Variants in ASAP1 observed in about 807,000 individuals in gnomAD.
ASAP1 encodes ArfGAP with SH3 domain, ankyrin repeat and PH domain 1.
ASAP1 carries 43 observed loss-of-function variants against 145.2 expected under a neutral mutation model. The observed-to-expected ratio is 0.30, with a 90% CI of 0.23 to 0.38. The LOEUF is 0.38. Ranked by LOEUF, ASAP1 falls within the 10% of genes least tolerant of loss-of-function variation. The pLI is 1.00. For missense variants in ASAP1, 1,018 were observed against 1,355.3 expected, an observed-to-expected ratio of 0.75 and a Z score of 3.91; for synonymous variants, 546 against 515.5, an observed-to-expected ratio of 1.06 and a Z score of -0.80.
rs540595717 is a variant in ASAP1 at position 130,353,119 on chromosome 8, A to G, written c.186+4898T>C. On this transcript the variant is annotated intron_variant, in intron 3 of 29. Coordinates refer to ENST00000518721, the MANE Select transcript of ASAP1 (RefSeq NM_018482.4). The stretch of plus-strand genomic sequence containing the variant: ...ATGTTCTATACTATTTCCCTCCCCT[A>G]TGAACTGCCCCTTTCTACCCTGTTA... 5.3e-4 allele frequency among the ~76,000 whole-genome samples: 81 copies of G among 152,256 alleles called. 2 individuals carry two copies. In the South Asian group the frequency reaches 0.017, roughly 31 times the overall value.
At chr8:130,126,596 C>A (rs772198642) in intron 16 of ASAP1, among the ~76,000 whole-genome samples, 1 of 152,156 alleles carries the variant, frequency 6.6e-6, no homozygotes, top group Admixed American at 6.5e-5. Flanking sequence ...TTTTCTACAA[C>A]CTCCAATGGC....
intron 2 of ASAP1, among the ~76,000 whole-genome samples, chr8:130,388,001 C>T (rs186778795): frequency 3.5e-4 from 54 of 152,242 alleles, no homozygotes; most frequent in African/African-American, 1.3e-3. Context: ...AGAAAACATA[C>T]GGGGAGCAAC....
chr8:130,258,223 G>T (rs1819685604), intron 3 of ASAP1, among the ~76,000 whole-genome samples: 2 of 152,154 alleles, frequency 1.3e-5, no homozygotes, highest in African/African-American at 4.8e-5. Context: ...GATGCTTGAG[G>T]AGAAAAGTCA....
At chr8:130,078,177 A>G (rs2097468700) in intron 26 of ASAP1, among the ~76,000 whole-genome samples, 1 of 152,106 alleles carries the variant, frequency 6.6e-6, no homozygotes, top group South Asian at 2.1e-4. Flanking sequence ...TTTCGTACAG[A>G]CGGGGTTTCA....
At chr8:130,409,670 C>T (rs1829181988) in intron 1 of ASAP1, among the ~76,000 whole-genome samples, 1 of 152,196 alleles carries the variant, frequency 6.6e-6, no homozygotes, top group Non-Finnish European at 1.5e-5. Flanking sequence ...GCTGCTGGAC[C>T]TTAGCTTTGG....
intron 24 of ASAP1, among the ~76,000 whole-genome samples, chr8:130,105,253 C>A (rs886100557): frequency 6.6e-6 from 1 of 152,086 alleles, no homozygotes; most frequent in African/African-American, 2.4e-5. Context: ...AGTATAGCAA[C>A]CATTTACATA....
At chr8:130,265,153 C>G (rs906804988) in intron 3 of ASAP1, among the ~76,000 whole-genome samples, 3 of 152,080 alleles carry the variant, frequency 2.0e-5, no homozygotes, top group Non-Finnish European at 4.4e-5. Context: ...CTTCAGTTCC[C>G]CAGAGCACCT....
At chr8:130,120,824 C>T (rs1414738365) in intron 18 of ASAP1, among the ~76,000 whole-genome samples, 2 of 152,170 alleles carry the variant, frequency 1.3e-5, no homozygotes, top group Non-Finnish European at 2.9e-5. Context: ...TATGGGCACT[C>T]AGCCCATAGT....
At chr8:130,146,733 G>C (rs946462628) in intron 13 of ASAP1, among the ~76,000 whole-genome samples, 1 of 152,136 alleles carries the variant, frequency 6.6e-6, no homozygotes, top group African/African-American at 2.4e-5. Flanking sequence ...GATGGGGCAA[G>C]AAAACAACAG....
intron 1 of ASAP1, among the ~76,000 whole-genome samples, chr8:130,432,244 G>A (rs2138787935): frequency 6.6e-6 from 1 of 152,166 alleles, no homozygotes; most frequent in Middle Eastern, 3.4e-3. Context: ...ACTCAAAGAA[G>A]AAAATAATCA....
At chr8:130,293,277 C>G (rs1822055019) in intron 3 of ASAP1, among the ~76,000 whole-genome samples, 1 of 152,188 alleles carries the variant, frequency 6.6e-6, no homozygotes, top group African/African-American at 2.4e-5. Flanking sequence ...CTGCTGGTCC[C>G]CATTCCCCAG....
At chr8:130,356,506 G>A (rs80176141) in intron 3 of ASAP1, among the ~76,000 whole-genome samples, 2,267 of 151,888 alleles carry the variant, frequency 0.015, 28 homozygotes, top group East Asian at 0.052. Flanking sequence ...AATCCCAGAC[G>A]AGTATAACAG....
chr8:130,285,632 GGTTTT>G (rs1214085025), intron 3 of ASAP1, among the ~76,000 whole-genome samples: 6 of 152,150 alleles, frequency 3.9e-5, no homozygotes, highest in African/African-American at 1.4e-4. Flanking sequence ...ACAACAGGTT[GGTTTT>G]GTTTTTCTGA....
intron 1 of ASAP1, among the ~76,000 whole-genome samples, chr8:130,410,262 C>G (rs916166951): frequency 6.6e-6 from 1 of 152,118 alleles, no homozygotes; most frequent in South Asian, 2.1e-4. Context: ...AAAAAGGGCA[C>G]GTACTGGTAC....
chr8:130,147,681 A>C (rs4733771), intron 13 of ASAP1, among the ~76,000 whole-genome samples: 15,654 of 152,236 alleles, frequency 0.1, 940 homozygotes, highest in South Asian at 0.27. Flanking sequence ...GGCACATACA[A>C]TAAGATCCTG....
intron 3 of ASAP1, among the ~76,000 whole-genome samples, chr8:130,293,274 TC>T (rs1373593852): frequency 6.6e-6 from 1 of 152,188 alleles, no homozygotes; most frequent in Non-Finnish European, 1.5e-5. Context: ...ATGCTGCTGG[TC>T]CCCATTCCCC....
chr8:130,289,532 A>T (rs1821826397), intron 3 of ASAP1, among the ~76,000 whole-genome samples: 2 of 152,244 alleles, frequency 1.3e-5, no homozygotes, highest in African/African-American at 4.8e-5. Context: ...AGACTGGTCC[A>T]AACTTTAAGA....
intron 3 of ASAP1, among the ~76,000 whole-genome samples, chr8:130,288,828 A>T (rs1316564511): frequency 2.0e-5 from 3 of 152,240 alleles, no homozygotes; most frequent in Non-Finnish European, 4.4e-5. Flanking sequence ...ATGTCCAATG[A>T]TGGGAGATGG....
intron 24 of ASAP1, among the ~76,000 whole-genome samples, chr8:130,102,086 T>C (rs2097529759): frequency 6.6e-6 from 1 of 152,180 alleles, no homozygotes; most frequent in African/African-American, 2.4e-5. Context: ...ATGCCCTTTA[T>C]TGCATTCTCT....
Sources: gnomAD v4.1 joint callset for allele counts (sites outside exome capture counted in the v4.1 genomes callset) on GRCh38, gnomAD v4.1.1 for gene constraint, MANE v1.5 for transcripts, NCBI Gene and HGNC (gene_info 2026-07-23, HGNC 2026-07-21) for gene names.